ABCA1: variants seen among roughly 807,000 people sequenced by gnomAD.
The protein encoded by ABCA1 is phospholipid-transporting ATPase ABCA1.
In ABCA1, 133 loss-of-function variants were observed where a neutral mutation model predicts 262.5. The ratio of observed to expected loss-of-function variants is 0.51; its 90% CI spans 0.44 to 0.59. The LOEUF is 0.59. Ranked by LOEUF, ABCA1 falls within the 20% of genes least tolerant of loss-of-function variation. The probability of loss-of-function intolerance (pLI) is 0.00; values close to 1 mark genes in which losing one functional copy is unlikely to be tolerated. For missense variants in ABCA1, 2,452 were observed against 2,777.5 expected, an observed-to-expected ratio of 0.88 and a Z score of 2.63; for synonymous variants, 1,022 against 1,043.5, an observed-to-expected ratio of 0.98 and a Z score of 0.40.
chr9:104,854,766 A>G (rs1564184947), intron 7 of ABCA1, among the ~76,000 whole-genome samples: 1 of 152,258 alleles, frequency 6.6e-6, no homozygotes, highest in Non-Finnish European at 1.5e-5. Flanking sequence ...TACAAATACA[A>G]TGAGCGCACT....
intron 7 of ABCA1, among the ~76,000 whole-genome samples, chr9:104,856,518 A>ACT (rs1386241283): frequency 6.6e-6 from 1 of 152,122 alleles, no homozygotes; most frequent in African/African-American, 2.4e-5. Context: ...ATTTCCCTGC[A>ACT]CTCTGTCACG....
intron 8 of ABCA1, among the ~76,000 whole-genome samples, chr9:104,843,793 ATCT>A (rs138618449): frequency 0.025 from 3,873 of 152,244 alleles, 134 homozygotes; most frequent in African/African-American, 0.088. Flanking sequence ...GCATTTATTG[ATCT>A]TCTCCCATTT....
In ABCA1 at chr9:104,821,383, C is replaced by T. The variant is rs1247142659; in HGVS notation, c.2952G>A (p.Leu984=). 6.2e-7 allele frequency: 1 copy of T among 1,614,174 alleles called. No individual in the cohort carries two copies. Among genetic ancestry groups the T allele is most frequent in the African/African-American group, 1.3e-5 (1 of 75,070 alleles). ...NLGVCPQHNV[L]FDMLTVEEHI... ...GTGCTGCTGGTACTCACATGTCAAACAGCACGTTATGCTGGGGACAGACCC... is the reference window on the plus strand; with the variant it reads ...GTGCTGCTGGTACTCACATGTCAAATAGCACGTTATGCTGGGGACAGACCC... Residue 984 remains leucine, a synonymous_variant, in exon 20 of 50, where the codon CTG becomes CTA. Coordinates refer to ENST00000374736, the MANE Select transcript of ABCA1 (RefSeq NM_005502.4).
chr9:104,815,737 T>C (rs1192153440), intron 25 of ABCA1, among the ~76,000 whole-genome samples: 1 of 152,254 alleles, frequency 6.6e-6, no homozygotes, highest in Non-Finnish European at 1.5e-5. Context: ...GAATTGCTCC[T>C]GATTCTGATT....
Position 104,827,148 on chromosome 9 carries a change from T to G in ABCA1, c.2137A>C (p.Ser713Arg), listed in dbSNP as rs1345816371. The G allele has an allele frequency of 6.2e-7, 1 of 1,614,082 alleles. No individual in the cohort carries two copies. The highest frequency in any genetic ancestry group is 8.5e-7 in the Non-Finnish European group (1 of 1,180,042). Reference protein sequence around the residue: ...ILKLGNLLPYSDPSVVFVFLS... With the variant: ...ILKLGNLLPYRDPSVVFVFLS... ...AAGACAAACACCACGCTGGGATCAC[T>G]GTAGGGCAGCAGGTTTCCTAACTGG... is the stretch of plus-strand genomic sequence containing the variant. The change falls in exon 16 of 50, where the codon AGT becomes CGT. Residue 713 changes from serine to arginine, a missense_variant. By Grantham distance (110) the Ser-to-Arg change is moderately radical. Transcript: ENST00000374736.
chr9:104,823,633 G>A (rs1328659013), intron 18 of ABCA1, among the ~76,000 whole-genome samples: 4 of 152,174 alleles, frequency 2.6e-5, no homozygotes, highest in Admixed American at 1.3e-4. Context: ...AGATCTTGGA[G>A]AGAAAGGAGG....
chr9:104,905,614 A>G (rs1588564691), intron 1 of ABCA1, among the ~76,000 whole-genome samples: 1 of 152,372 alleles, frequency 6.6e-6, no homozygotes, highest in East Asian at 1.9e-4. Context: ...GTTTGTTCAA[A>G]GATGACAACT....
At chr9:104,914,319 A>G (rs1339320473) in intron 1 of ABCA1, among the ~76,000 whole-genome samples, 1 of 151,724 alleles carries the variant, frequency 6.6e-6, no homozygotes, top group Non-Finnish European at 1.5e-5. Flanking sequence ...TCCACTAAAA[A>G]TACAAAAAAG....
chr9:104,923,746 A>G (rs1053709995), intron 1 of ABCA1, among the ~76,000 whole-genome samples: 1 of 152,230 alleles, frequency 6.6e-6, no homozygotes, highest in Admixed American at 6.5e-5. Flanking sequence ...TGAAAATTCA[A>G]TTAGCATTTG....
rs536749995 is a variant in ABCA1 at position 104,917,698 on chromosome 9, G to A, written c.-93+10237C>T. Among the ~76,000 whole-genome samples the A allele has an allele frequency of 5.3e-5, 8 of 152,182 alleles. No individual in the cohort carries two copies. The East Asian group carries it at 9.7e-4, about 18-fold the overall frequency. On this transcript the variant is annotated intron_variant, in intron 1 of 49. Transcript: ENST00000374736. The stretch of plus-strand genomic sequence containing the variant: ...GAACCCAGGAGGAAGAGGTTGCAGT[G>A]AGCCGAGGTGGTGCCACTGCACTCC...
chr9:104,863,464 G>A (rs186250482), intron 5 of ABCA1, among the ~76,000 whole-genome samples: 2 of 152,160 alleles, frequency 1.3e-5, no homozygotes, highest in Non-Finnish European at 2.9e-5. Context: ...AAGAGAAACA[G>A]GTTTGATCTG....
chr9:104,871,570 T>C (rs1436738531), intron 5 of ABCA1, among the ~76,000 whole-genome samples: 2 of 151,994 alleles, frequency 1.3e-5, no homozygotes, highest in Non-Finnish European at 2.9e-5. Context: ...CACTAAGACA[T>C]AACATTGACC....
At position 104,825,780 on chromosome 9, in the gene ABCA1, C is replaced by A. The variant is rs889836856; in HGVS notation, c.2445G>T (p.Glu815Asp). ...AAGTGGTGAGATTGAAGCCATCTTC[C>A]TCCACAGGACTCTCAAACAGGTTGT... ...QWDNLFESPV[E>D]EDGFNLTTSV... The change falls in exon 17 of 50, where the codon GAG becomes GAT. Residue 815 changes from glutamate (E) to aspartate (D), a missense_variant. Transcript: ENST00000374736. 1.9e-6 allele frequency: 3 copies of A among 1,614,218 alleles called. No individual in the cohort carries two copies. The highest frequency in any genetic ancestry group is 1.1e-5 in the South Asian group (1 of 91,084).
chr9:104,787,941 G>A lies in ABCA1; in HGVS notation c.6183C>T (p.Gly2061=), dbSNP rs9282537. ...RKLSTAMALI[G]GPPVVFLDEP... ...TCACCAGAAACACCACAGGAGGCCCGCCGATCAAAGCCATGGCTGTAGAGA... is the reference window on the plus strand; with the variant it reads ...TCACCAGAAACACCACAGGAGGCCCACCGATCAAAGCCATGGCTGTAGAGA... Residue 2061 remains glycine (G), a synonymous_variant, in exon 46 of 50, where the codon GGC becomes GGT. Transcript: ENST00000374736. The A allele has an allele frequency of 0.029, 46,189 of 1,613,948 alleles. 2,397 individuals are homozygous for A. Among genetic ancestry groups the A allele is most frequent in the African/African-American group, 0.23 (17,212 of 74,946 alleles).
At chr9:104,822,961 T>G (rs1164713225) in intron 18 of ABCA1, among the ~76,000 whole-genome samples, 1 of 151,542 alleles carries the variant, frequency 6.6e-6, no homozygotes, top group Admixed American at 6.6e-5. Flanking sequence ...AAAAATGCCA[T>G]GGAACTGTGA....
At chr9:104,836,076 A>G (rs1376094093) in intron 11 of ABCA1, among the ~76,000 whole-genome samples, 1 of 152,214 alleles carries the variant, frequency 6.6e-6, no homozygotes, top group African/African-American at 2.4e-5. Flanking sequence ...GAGCTATATT[A>G]GTCAGTGTGA....
intron 7 of ABCA1, among the ~76,000 whole-genome samples, chr9:104,849,448 T>A (rs1835189898): frequency 6.6e-6 from 1 of 152,206 alleles, no homozygotes; most frequent in South Asian, 2.1e-4. Context: ...CCATGAGTAA[T>A]AAGGTAGAAC....
At chr9:104,921,019 A>G (rs1842114423) in intron 1 of ABCA1, among the ~76,000 whole-genome samples, 1 of 152,192 alleles carries the variant, frequency 6.6e-6, no homozygotes, top group Non-Finnish European at 1.5e-5. Flanking sequence ...TTTGACTCTG[A>G]TATCCATGTT....
At chr9:104,891,691 C>T (rs377140885) in intron 2 of ABCA1, among the ~76,000 whole-genome samples, 11 of 149,884 alleles carry the variant, frequency 7.3e-5, no homozygotes, top group South Asian at 4.3e-4. Context: ...GTGTGGCTGG[C>T]GCAGTGGCTC....
Sources: allele counts gnomAD v4.1 joint callset (sites outside exome capture counted in the v4.1 genomes callset), GRCh38; gene constraint gnomAD v4.1.1; transcripts MANE v1.5; gene names NCBI Gene and HGNC (gene_info 2026-07-23, HGNC 2026-07-21).